Variants in IMMP2L observed in about 807,000 individuals in gnomAD.
The protein encoded by IMMP2L is inner mitochondrial membrane peptidase subunit 2.
A neutral mutation model predicts 19.3 loss-of-function variants in IMMP2L; 18 were observed. The ratio of observed to expected loss-of-function variants is 0.93; its 90% CI spans 0.64 to 1.38. The LOEUF is 1.38. Ranked by LOEUF, IMMP2L falls within the 40% of genes most tolerant of loss-of-function variation. IMMP2L has a pLI of 0.00. For missense variants in IMMP2L, 233 were observed against 218.2 expected, an observed-to-expected ratio of 1.07 and a Z score of -0.43; for synonymous variants, 76 against 73.0, an observed-to-expected ratio of 1.04 and a Z score of -0.21.
chr7:110,941,628 T>C (rs984441569), intron 4 of IMMP2L, among the ~76,000 whole-genome samples: 4 of 152,162 alleles, frequency 2.6e-5, no homozygotes, highest in African/African-American at 9.6e-5. Context: ...TAAATCACAA[T>C]CTGGTTTTAT....
chr7:110,677,995 A>G (rs1342443568), intron 5 of IMMP2L, among the ~76,000 whole-genome samples: 2 of 152,130 alleles, frequency 1.3e-5, no homozygotes, highest in African/African-American at 2.4e-5. Flanking sequence ...AAGACCCAGC[A>G]TCATTTTCTT....
At chr7:110,873,510 T>A (rs1808744133) in intron 5 of IMMP2L, among the ~76,000 whole-genome samples, 1 of 140,474 alleles carries the variant, frequency 7.1e-6, no homozygotes. Flanking sequence ...ACGCCTTTAA[T>A]CCCAGCATTT....
intron 3 of IMMP2L, among the ~76,000 whole-genome samples, chr7:111,205,851 A>T (rs2129617392): frequency 6.6e-6 from 1 of 152,256 alleles, no homozygotes; most frequent in Non-Finnish European, 1.5e-5. Context: ...GATTCATATC[A>T]GGAGTCAGAC....
intron 5 of IMMP2L, among the ~76,000 whole-genome samples, chr7:110,818,372 A>T (rs981576007): frequency 6.6e-6 from 1 of 152,204 alleles, no homozygotes; most frequent in Admixed American, 6.5e-5. Flanking sequence ...AATGCTCATC[A>T]TCACTGGCCA....
At chr7:111,157,959 C>A (rs1372939688) in intron 3 of IMMP2L, among the ~76,000 whole-genome samples, 1 of 151,902 alleles carries the variant, frequency 6.6e-6, no homozygotes, top group Admixed American at 6.6e-5. Flanking sequence ...GGTGATTACA[C>A]GACATTAACT....
At chr7:111,125,918 G>A (rs1249844280) in intron 3 of IMMP2L, among the ~76,000 whole-genome samples, 1 of 150,398 alleles carries the variant, frequency 6.6e-6, no homozygotes, top group Non-Finnish European at 1.5e-5. Context: ...CGCTTCCCAG[G>A]TTCAAGCAAT....
intron 3 of IMMP2L, among the ~76,000 whole-genome samples, chr7:111,300,191 T>C (rs1004704351): frequency 6.6e-6 from 1 of 152,106 alleles, no homozygotes; most frequent in South Asian, 2.1e-4. Context: ...CTGGATAACA[T>C]CCTGTACTTT....
intron 3 of IMMP2L, among the ~76,000 whole-genome samples, chr7:111,016,572 T>G (rs1825597322): frequency 8.6e-6 from 1 of 116,670 alleles, no homozygotes; most frequent in Admixed American, 1.1e-4. Context: ...ATATAATACA[T>G]ACATATACAT....
Position 111,268,565 on chromosome 7 carries a change from T to TTC in IMMP2L, c.239+218671_239+218672dup, listed in dbSNP as rs1562987578. Among the ~76,000 whole-genome samples the TTC allele has an allele frequency of 9.1e-3, 1,178 of 129,346 alleles. 59 individuals carry two copies. Among genetic ancestry groups the TTC allele is most frequent in the African/African-American group, 0.034 (1,079 of 31,712 alleles). The allele number at this position is 129,346 out of a possible 152,430, so 84.9% of individuals were successfully genotyped here. A position where few individuals can be genotyped will look rare whatever the true frequency, so the allele number is the denominator to read the frequency against. On this transcript the variant is annotated intron_variant, in intron 3 of 5. Transcript: ENST00000405709. ...TAGAGATATGAGTTAAACTTCACAT[T>TTC]TCTCTTTTTTTTTTTTTTTTTTTTT...
chr7:110,706,310 C>T (rs1584562813), intron 5 of IMMP2L, among the ~76,000 whole-genome samples: 1 of 152,102 alleles, frequency 6.6e-6, no homozygotes, highest in South Asian at 2.1e-4. Flanking sequence ...AGCCATCTTG[C>T]CAAGGCTGGT....
At chr7:111,429,065 T>G (rs951410858) in intron 3 of IMMP2L, among the ~76,000 whole-genome samples, 1 of 151,926 alleles carries the variant, frequency 6.6e-6, no homozygotes, top group Admixed American at 6.6e-5. Flanking sequence ...GACATATGAA[T>G]GGATGAATAT....
At chr7:111,546,195 T>C (rs1248551347) in intron 1 of IMMP2L, among the ~76,000 whole-genome samples, 4 of 152,086 alleles carry the variant, frequency 2.6e-5, no homozygotes, top group Admixed American at 2.6e-4. Context: ...ACAGGATCTA[T>C]AGGATACAAT....
At position 111,301,122 on chromosome 7, in the gene IMMP2L, CTTATT is replaced by C. The variant is rs1158981282; in HGVS notation, c.239+186111_239+186115del. 1.3e-5 allele frequency among the ~76,000 whole-genome samples: 2 copies of C among 151,992 alleles called. 1 individual carries two copies. Among genetic ancestry groups the C allele is most frequent in the Middle Eastern group, 6.3e-3 (2 of 316 alleles). ...CACCAGCACTTGATGTTGTTACTTT[CTTATT>C]TTAGTCATTCTGATAGGTGTGTAGT... On this transcript the variant is annotated intron_variant, in intron 3 of 5. Transcript: ENST00000405709.
intron 3 of IMMP2L, among the ~76,000 whole-genome samples, chr7:111,347,325 T>C (rs1369063299): frequency 6.6e-6 from 1 of 151,940 alleles, no homozygotes; most frequent in Admixed American, 6.6e-5. Context: ...TGACTTATTT[T>C]TATGGGTACA....
intron 3 of IMMP2L, among the ~76,000 whole-genome samples, chr7:111,257,715 A>C (rs2129633789): frequency 6.6e-6 from 1 of 152,274 alleles, no homozygotes; most frequent in East Asian, 1.9e-4. Context: ...TGCTTAAACA[A>C]CACAGTGAAT....
rs189788020 is a variant in IMMP2L at position 110,672,414 on chromosome 7, C to A, written c.409-8693G>T. Among the ~76,000 whole-genome samples the A allele has an allele frequency of 3.4e-3, 516 of 152,194 alleles. 1 individual carries two copies. The highest frequency in any genetic ancestry group is 0.012 in the African/African-American group (492 of 41,542). On this transcript the variant is annotated intron_variant, in intron 5 of 5. Coordinates refer to ENST00000405709, the MANE Select transcript of IMMP2L (RefSeq NM_032549.4). Reference sequence around the variant, plus strand: ...AGATTTAAGTGGGGACACAACCAAACCATATCATTCCACACCCAGCCCCTC... The same window carrying A: ...AGATTTAAGTGGGGACACAACCAAAACATATCATTCCACACCCAGCCCCTC...
rs376432625 is a variant in IMMP2L at position 110,663,760 on chromosome 7, T to C, written c.409-39A>G. The C allele has an allele frequency of 1.3e-5, 18 of 1,414,290 alleles. No homozygotes were observed. In the African/African-American group the frequency reaches 1.5e-4, roughly 12 times the overall value. 87.6% of individuals were successfully genotyped at this position (1,414,290 alleles called of 1,614,324 possible). ...AAACAGAAAGAAAGCAATAAAGAGA[T>C]CATTTTATAAGAATCATTATTAATA... On this transcript the variant is annotated intron_variant, in intron 5 of 5. Coordinates refer to ENST00000405709, the MANE Select transcript of IMMP2L (RefSeq NM_032549.4).
chr7:111,036,099 C>T lies in IMMP2L; in HGVS notation c.240-72534G>A, dbSNP rs181770421. Reference sequence around the variant, plus strand: ...TATTGCTCATATTATTCCTTCTTTGCTACCAAACTACATCAATAAATATGG... The same window carrying T: ...TATTGCTCATATTATTCCTTCTTTGTTACCAAACTACATCAATAAATATGG... On this transcript the variant is annotated intron_variant, in intron 3 of 5. Coordinates refer to ENST00000405709, the MANE Select transcript of IMMP2L (RefSeq NM_032549.4). Among the ~76,000 whole-genome samples, 133 of 152,238 alleles carry T rather than the reference C, an allele frequency of 8.7e-4. 1 individual carries two copies. Among genetic ancestry groups the T allele is most frequent in the Non-Finnish European group, 1.6e-3 (108 of 68,002 alleles).
chr7:111,271,956 C>G (rs989257890), intron 3 of IMMP2L, among the ~76,000 whole-genome samples: 1 of 152,126 alleles, frequency 6.6e-6, no homozygotes, highest in African/African-American at 2.4e-5. Flanking sequence ...CTAATCTAAA[C>G]CAGAGTCATC....
Sources: gnomAD v4.1 joint callset for allele counts (sites outside exome capture counted in the v4.1 genomes callset) on GRCh38, gnomAD v4.1.1 for gene constraint, MANE v1.5 for transcripts, NCBI Gene and HGNC (gene_info 2026-07-23, HGNC 2026-07-21) for gene names.